The following ARL6IP6 variants were observed in gnomAD, a reference collection of about 807,000 sequenced individuals.
ARL6IP6 encodes ADP-ribosylation factor-like protein 6-interacting protein 6.
ARL6IP6 carries 22 observed loss-of-function variants against 21.5 expected under a neutral mutation model. That is an observed-to-expected ratio of 1.02 (90% CI 0.73 to 1.46). The LOEUF (loss-of-function observed/expected upper bound fraction) is 1.46, where lower values mean the gene tolerates loss of function less well. Among genes scored for constraint, ARL6IP6 ranks in the 40% most tolerant of loss-of-function variants. The pLI, the probability that ARL6IP6 is intolerant of heterozygous loss-of-function variation, is 0.00. For missense variants in ARL6IP6, 388 were observed against 299.8 expected (o/e 1.29, Z -2.17); for synonymous variants, 164 against 125.3 (o/e 1.31, Z -2.06).
intron 3 of ARL6IP6, among the ~76,000 whole-genome samples, chr2:152,755,337 G>T (rs1701532793): frequency 6.6e-6 from 1 of 152,124 alleles, no homozygotes; most frequent in African/African-American, 2.4e-5. Flanking sequence ...AGGGAAGACT[G>T]TACTCCTCCA....
chr2:152,727,213 G>A (rs893175128), intron 2 of ARL6IP6, among the ~76,000 whole-genome samples: 2 of 152,162 alleles, frequency 1.3e-5, no homozygotes, highest in African/African-American at 4.8e-5. Context: ...CTAGGCTAAT[G>A]TGTGTGTGTC....
chr2:152,749,312 A>AC (rs1559240825), intron 3 of ARL6IP6, among the ~76,000 whole-genome samples: 2 of 62,016 alleles, frequency 3.2e-5, no homozygotes, highest in African/African-American at 1.1e-4. Flanking sequence ...CACACACACA[A>AC]AAACACACAC....
At chr2:152,719,162 T>C in intron 1 of ARL6IP6, 138 bp downstream of exon 1, 1 of 1,003,050 alleles carries the variant, frequency 1.0e-6, no homozygotes, top group Non-Finnish European at 1.4e-6. Flanking sequence ...CTCATTTGCA[T>C]CTTACTTTGC....
chr2:152,739,176 G>A (rs944818485), intron 3 of ARL6IP6, among the ~76,000 whole-genome samples: 83 of 151,946 alleles, frequency 5.5e-4, no homozygotes, highest in Non-Finnish European at 1.0e-3. Flanking sequence ...TAGTAGAGAC[G>A]GGGTTTCACC....
At chr2:152,718,615 G>GT, upstream of ARL6IP6, 1 of 1,513,940 alleles carries the variant, frequency 6.6e-7, no homozygotes, top group Non-Finnish European at 8.8e-7. Context: ...GTTTCGTTGT[G>GT]TTTCGCGCCA....
chr2:152,720,663 G>GATAAA (rs1251877585), intron 2 of ARL6IP6, 77 bp downstream of exon 2: 2 of 1,269,084 alleles, frequency 1.6e-6, no homozygotes, highest in African/African-American at 1.5e-5. Flanking sequence ...CTAACTCTGG[G>GATAAA]ATAAAATACT....
Position 152,761,953 on chromosome 2 carries a change from G to A in ARL6IP6, c.*2113G>A, listed in dbSNP as rs912208612. Among the ~76,000 whole-genome samples, 2 of 152,066 alleles carry A rather than the reference G, an allele frequency of 1.3e-5. No individual in the cohort carries two copies. The highest frequency in any genetic ancestry group is 4.8e-5 in the African/African-American group (2 of 41,400). The stretch of plus-strand genomic sequence containing the variant: ...GATAAATATAGAGAGAGATGTATCC[G>A]TAAGATATTTTTGTGGAATCCTAAT... On this transcript the variant is annotated 3_prime_UTR_variant, in exon 4 of 4. Transcript: ENST00000326446.
upstream of ARL6IP6, chr2:152,718,417 G>T (rs141437495): frequency 2.9e-3 from 1,752 of 609,486 alleles, 41 homozygotes; most frequent in East Asian, 0.043. Flanking sequence ...TACAGCCCTG[G>T]GGTCGAGCTC....
intron 2 of ARL6IP6, among the ~76,000 whole-genome samples, chr2:152,723,779 G>A (rs1165131196): frequency 7.0e-6 from 1 of 142,088 alleles, no homozygotes; most frequent in Non-Finnish European, 1.5e-5. Context: ...ATGATTTCGT[G>A]ATACAGAACA....
At chr2:152,718,427 CTGGTCGAAGCGCATTCCGCCTCTCCTT>C, upstream of ARL6IP6, 1 of 692,542 alleles carries the variant, frequency 1.4e-6, no homozygotes, top group Non-Finnish European at 2.1e-6. Flanking sequence ...GGGTCGAGCT[CTGGTCGAAGCGCATTCCGCCTCTCCTT>C]TGGCCCTGCG....
chr2:152,720,052 G>T, intron 1 of ARL6IP6: 1 of 429,604 alleles, frequency 2.3e-6, no homozygotes, highest in African/African-American at 2.1e-5. Context: ...TAAATGATTG[G>T]CTGCCAATGT....
At chr2:152,758,298 A>AT (rs1055779176) in intron 3 of ARL6IP6, among the ~76,000 whole-genome samples, 52 of 149,164 alleles carry the variant, frequency 3.5e-4, no homozygotes, top group African/African-American at 4.9e-4. Context: ...GTACGGATGC[A>AT]TTTTTTTTTT....
intron 1 of ARL6IP6, 122 bp downstream of exon 1, chr2:152,719,146 A>G (rs1699545522): frequency 3.4e-6 from 4 of 1,166,578 alleles, no homozygotes; most frequent in South Asian, 1.9e-5. Context: ...GCTTTCACCC[A>G]GAGTCCTCAT....
At chr2:152,754,881 G>A (rs1701505683) in intron 3 of ARL6IP6, among the ~76,000 whole-genome samples, 1 of 152,032 alleles carries the variant, frequency 6.6e-6, no homozygotes, top group South Asian at 2.1e-4. Context: ...TATGTGGGCG[G>A]CAAGCCACCC....
At chr2:152,719,566 G>GTATA (rs1334545160) in intron 1 of ARL6IP6, among the ~76,000 whole-genome samples, 2 of 152,126 alleles carry the variant, frequency 1.3e-5, no homozygotes, top group Admixed American at 6.5e-5. Context: ...GTTGCAGAAA[G>GTATA]TATAGTCCAC....
At chr2:152,722,157 G>T (rs899596962) in intron 2 of ARL6IP6, among the ~76,000 whole-genome samples, 2 of 152,190 alleles carry the variant, frequency 1.3e-5, no homozygotes, top group Non-Finnish European at 2.9e-5. Context: ...GAATGTGATA[G>T]GTCTTTTGAC....
chr2:152,719,492 T>C (rs3748937), intron 1 of ARL6IP6, among the ~76,000 whole-genome samples: 96,114 of 152,100 alleles, frequency 0.63, 30,817 homozygotes, highest in East Asian at 0.72. Flanking sequence ...TTTCTTCTTT[T>C]ATAGGTAAAA....
intron 3 of ARL6IP6, among the ~76,000 whole-genome samples, chr2:152,758,375 T>C (rs1417215427): frequency 2.0e-5 from 3 of 152,116 alleles, no homozygotes; most frequent in Non-Finnish European, 4.4e-5. Context: ...AAGACCGAAC[T>C]GTATTAATTT....
rs1372510132 is a variant in ARL6IP6, at chr2:152,762,126, C to T, written c.*2286C>T. On this transcript the variant is annotated 3_prime_UTR_variant, in exon 4 of 4. Transcript: ENST00000326446. ...CTGAGCTAATCCTAATCTCATTTTG[C>T]CTGGCTACAATGAGTAGAATAGAGA... Among the ~76,000 whole-genome samples the T allele has an allele frequency of 6.7e-6, 1 of 148,460 alleles. No individual in the cohort carries two copies. Among genetic ancestry groups the T allele is most frequent in the Non-Finnish European group, 1.5e-5 (1 of 66,330 alleles).
Sources: allele counts gnomAD v4.1 joint callset (sites outside exome capture counted in the v4.1 genomes callset), GRCh38; gene constraint gnomAD v4.1.1; transcripts MANE v1.5; gene names NCBI Gene and HGNC (gene_info 2026-07-23, HGNC 2026-07-21).